HAPLN2: variants seen among roughly 807,000 people sequenced by gnomAD.
The protein encoded by HAPLN2 is brain link protein-1.
Under a neutral mutation model 29.3 loss-of-function variants are expected in HAPLN2, and 27 were observed. That is an observed-to-expected ratio of 0.92 (90% CI 0.68 to 1.27). HAPLN2 has a LOEUF of 1.27. Ranked by LOEUF, HAPLN2 falls within the 50% of genes most tolerant of loss-of-function variation. HAPLN2 has a pLI of 0.00. For missense variants in HAPLN2, 454 were observed against 484.3 expected, an observed-to-expected ratio of 0.94 and a Z score of 0.59; for synonymous variants, 208 against 211.7, an observed-to-expected ratio of 0.98 and a Z score of 0.15.
the HAPLN2 span, among the ~76,000 whole-genome samples, chr1:156,602,094 C>T: frequency 1.3e-5 from 2 of 151,708 alleles, no homozygotes; most frequent in Non-Finnish European, 2.9e-5. Flanking sequence ...TGCACCGCCA[C>T]GCCTGGCTAA....
the HAPLN2 span, among the ~76,000 whole-genome samples, chr1:156,602,994 C>T: frequency 1.6e-4 from 24 of 152,118 alleles, no homozygotes; most frequent in Non-Finnish European, 2.8e-4. Context: ...ACCCATTCAT[C>T]CCCATAATTT....
At chr1:156,611,290 G>T in the HAPLN2 span, among the ~76,000 whole-genome samples, 3 of 148,388 alleles carry the variant, frequency 2.0e-5, no homozygotes, top group Non-Finnish European at 4.5e-5. Context: ...AAAGGCCAGG[G>T]GCAGTGGCTC....
chr1:156,604,350 T>A, the HAPLN2 span, among the ~76,000 whole-genome samples: 1 of 151,550 alleles, frequency 6.6e-6, no homozygotes, highest in Non-Finnish European at 1.5e-5. Context: ...TGGAGTGCAG[T>A]GGCACGATCT....
chr1:156,616,000 A>G (rs114070087), upstream of HAPLN2, among the ~76,000 whole-genome samples: 1,481 of 152,322 alleles, frequency 9.7e-3, 18 homozygotes, highest in African/African-American at 0.034. Context: ...TGCCTTTTAA[A>G]GTCCTCCCTA....
intron 3 of HAPLN2, 35 bp downstream of exon 3, chr1:156,623,610 GC>G: frequency 6.2e-7 from 1 of 1,612,760 alleles, no homozygotes; most frequent in South Asian, 1.1e-5. Context: ...TCTGGGGGAG[GC>G]TTGGGGAGAC....
chr1:156,612,212 C>T, the HAPLN2 span, among the ~76,000 whole-genome samples: 2 of 152,084 alleles, frequency 1.3e-5, no homozygotes, highest in Middle Eastern at 3.2e-3. Context: ...TTAGTAGAGA[C>T]GGGGTTTCAC....
chr1:156,624,089 A>G lies in HAPLN2; in HGVS notation c.368A>G (p.Glu123Gly), dbSNP rs1251713840. 1 of 1,613,632 alleles carries G rather than the reference A, an allele frequency of 6.2e-7. No homozygotes were observed. Among genetic ancestry groups the G allele is most frequent in the Non-Finnish European group, 8.5e-7 (1 of 1,179,908 alleles). The change falls in exon 4 of 7, where the codon GAG becomes GGG. Residue 123 changes from glutamate to glycine, a missense_variant. Physicochemically the swap from Glu to Gly is moderately conservative, Grantham distance 98. This residue lies in a region of HAPLN2 where 204 missense variants were observed against 209.2 expected (regional missense o/e 0.98). Coordinates refer to ENST00000255039, the MANE Select transcript of HAPLN2 (RefSeq NM_021817.3). ...ATCGCGGGCGTGCGCCTGGAGGACG[A>G]GGGCCGGTACCGCTGCGAGCTCATC... The part of the protein sequence containing the change: ...LVIAGVRLED[E>G]GRYRCELING...
Position 156,625,653 on chromosome 1 carries a change from C to A in HAPLN2, c.*269C>A, listed in dbSNP as rs1215674225. On this transcript the variant is annotated 3_prime_UTR_variant, in exon 7 of 7. Transcript: ENST00000255039. The surrounding 1 kb of genome is among the most constrained non-coding windows in gnomAD (Gnocchi z 5.7). ...CCCTAGCAGAGGACTCAGCCACCGC[C>A]GGGGGGAGGGTGAGGCGGCCGGGGG... 4.7e-6 allele frequency: 2 copies of A among 428,946 alleles called. No individual in the cohort carries two copies. The highest frequency in any genetic ancestry group is 2.1e-5 in the African/African-American group (1 of 47,928). 26.6% of individuals were successfully genotyped at this position (428,946 alleles called of 1,614,324 possible).
At chr1:156,611,756 G>A in the HAPLN2 span, among the ~76,000 whole-genome samples, 2 of 152,090 alleles carry the variant, frequency 1.3e-5, no homozygotes, top group Non-Finnish European at 2.9e-5. Flanking sequence ...TACTTTCTAT[G>A]AGCCAAGCAC....
At chr1:156,602,377 G>A in the HAPLN2 span, among the ~76,000 whole-genome samples, 1 of 151,958 alleles carries the variant, frequency 6.6e-6, no homozygotes, top group African/African-American at 2.4e-5. Flanking sequence ...ACCTTGAGTG[G>A]GATTAGATGG....
Position 156,625,638 on chromosome 1 carries a change from G to A in HAPLN2, c.*254G>A. ...GCTGCCGTTCGCGAACCCTAGCAGAGGACTCAGCCACCGCCGGGGGGAGGG... is the reference window on the plus strand; with the variant it reads ...GCTGCCGTTCGCGAACCCTAGCAGAAGACTCAGCCACCGCCGGGGGGAGGG... On this transcript the variant is annotated 3_prime_UTR_variant, in exon 7 of 7. Coordinates refer to ENST00000255039, the MANE Select transcript of HAPLN2 (RefSeq NM_021817.3). The surrounding 1 kb of genome is among the most constrained non-coding windows in gnomAD (Gnocchi z 5.7). 4.5e-6 allele frequency: 2 copies of A among 444,774 alleles called. No individual in the cohort carries two copies. Among genetic ancestry groups the A allele is most frequent in the South Asian group, 4.8e-5 (1 of 21,042 alleles). 27.6% of individuals were successfully genotyped at this position (444,774 alleles called of 1,614,324 possible). A position where few individuals can be genotyped will look rare whatever the true frequency, so the allele number is the denominator to read the frequency against.
Position 156,625,220 on chromosome 1 carries a change from C to A in HAPLN2, c.859C>A (p.Leu287Ile). 3 of 1,567,030 alleles carry A rather than the reference C, an allele frequency of 1.9e-6. No individual in the cohort carries two copies. Among genetic ancestry groups the A allele is most frequent in the Non-Finnish European group, 2.6e-6 (3 of 1,157,014 alleles). ...HLYAAWKFSG[L>I]DQCDGGWLAD... is the part of the protein sequence containing the mutation. ...CTACGCCGCCTGGAAGTTTTCGGGGCTAGACCAGTGCGACGGCGGCTGGCT... is the reference window on the plus strand; with the variant it reads ...CTACGCCGCCTGGAAGTTTTCGGGGATAGACCAGTGCGACGGCGGCTGGCT... Residue 287 changes from leucine to isoleucine, a missense_variant, in exon 7 of 7, where the codon CTA becomes ATA. Physicochemically the swap from Leu to Ile is conservative, Grantham distance 5. Around this residue, in one of 3 missense-constraint regions of HAPLN2, gnomAD observed 235 missense variants for 236.9 expected, o/e 0.99. Transcript: ENST00000255039. This position sits in a 1 kb window ranked among gnomAD's most constrained non-coding sequence, Gnocchi z 5.7.
chr1:156,622,813 T>G (rs1184926532), intron 2 of HAPLN2, among the ~76,000 whole-genome samples: 2 of 151,826 alleles, frequency 1.3e-5, no homozygotes, highest in Non-Finnish European at 2.9e-5. Flanking sequence ...GGCTCACGCC[T>G]GCTGTAATCC....
chr1:156,607,025 GC>G, the HAPLN2 span, among the ~76,000 whole-genome samples: 2 of 152,026 alleles, frequency 1.3e-5, no homozygotes, highest in Non-Finnish European at 2.9e-5. Flanking sequence ...TGAGAGTTGA[GC>G]CCAATTTCTC....
At chr1:156,603,380 C>G in the HAPLN2 span, among the ~76,000 whole-genome samples, 214 of 152,102 alleles carry the variant, frequency 1.4e-3, 1 homozygote, top group African/African-American at 4.8e-3. Flanking sequence ...CCTGCAGCCA[C>G]TGAGAAAATT....
chr1:156,624,088 G>T lies in HAPLN2; in HGVS notation c.367G>T (p.Glu123Ter). Residue 123 changes from glutamate to a stop codon, truncating the protein, a stop_gained, in exon 4 of 7, where the codon GAG becomes TAG. Transcript: ENST00000255039. LOFTEE classifies it high-confidence loss of function. The stretch of plus-strand genomic sequence containing the variant: ...CATCGCGGGCGTGCGCCTGGAGGAC[G>T]AGGGCCGGTACCGCTGCGAGCTCAT... ...LVIAGVRLED[E>*]GRYRCELING... 1 of 1,613,678 alleles carries T rather than the reference G, an allele frequency of 6.2e-7. No individual in the cohort carries two copies. Among genetic ancestry groups the T allele is most frequent in the Non-Finnish European group, 8.5e-7 (1 of 1,179,904 alleles).
At chr1:156,615,572 CTTTTT>C (rs770223466), upstream of HAPLN2, among the ~76,000 whole-genome samples, 1 of 81,722 alleles carries the variant, frequency 1.2e-5, no homozygotes, top group Non-Finnish European at 2.6e-5. Flanking sequence ...CTCTCTCTCT[CTTTTT>C]TTTTTTTTTT....
At chr1:156,616,152 AAGG>A (rs1260019239), upstream of HAPLN2, among the ~76,000 whole-genome samples, 2 of 152,030 alleles carry the variant, frequency 1.3e-5, no homozygotes, top group South Asian at 2.1e-4. Flanking sequence ...GGTGTTAGAG[AAGG>A]AGATGTCGGG....
intron 2 of HAPLN2, among the ~76,000 whole-genome samples, chr1:156,623,037 A>AAAATAAAT (rs56280786): frequency 0.55 from 60,868 of 111,212 alleles, 19,236 homozygotes; most frequent in Non-Finnish European, 0.63. Context: ...CTGTCTCAAA[A>AAAATAAAT]AAATAAATAA....
Sources: allele counts gnomAD v4.1 joint callset (sites outside exome capture counted in the v4.1 genomes callset), GRCh38; gene constraint gnomAD v4.1.1; regional missense constraint gnomAD v4.1.1; non-coding constraint Gnocchi (gnomAD v3.1); transcripts MANE v1.5; gene names NCBI Gene and HGNC (gene_info 2026-07-23, HGNC 2026-07-21).